Variants in PLEKHA7 observed in about 807,000 individuals in gnomAD.
The protein encoded by PLEKHA7 is pleckstrin homology domain-containing family A member 7.
In PLEKHA7, 104 loss-of-function variants were observed where a neutral mutation model predicts 170.0. The observed-to-expected ratio is 0.61, with a 90% confidence interval of 0.52 to 0.72. The LOEUF is 0.72. Ranked by LOEUF, PLEKHA7 falls within the 30% of genes least tolerant of loss-of-function variation. The pLI is 0.00. For synonymous variants in PLEKHA7, 648 were observed against 660.8 expected (o/e 0.98, Z 0.30); for missense variants, 1,615 against 1,671.7 (o/e 0.97, Z 0.59).
At chr11:16,783,605 C>T (rs1849201061) in intron 25 of PLEKHA7, 95 bp downstream of exon 25, 2 of 1,286,928 alleles carry the variant, frequency 1.6e-6, no homozygotes, top group Non-Finnish European at 2.0e-6. Flanking sequence ...CCTGGCAAAA[C>T]ACGCACCCCA....
chr11:16,923,912 C>T (rs956443904), intron 3 of PLEKHA7, among the ~76,000 whole-genome samples: 5 of 152,316 alleles, frequency 3.3e-5, no homozygotes, highest in African/African-American at 9.6e-5. Flanking sequence ...TAAGCCAGCA[C>T]ATAGCTTCCC....
intron 3 of PLEKHA7, among the ~76,000 whole-genome samples, chr11:16,924,173 CCT>C (rs940258891): frequency 5.9e-5 from 9 of 152,162 alleles, no homozygotes; most frequent in African/African-American, 2.2e-4. Context: ...TTAGACCCAC[CCT>C]CTCTCTGATA....
intron 4 of PLEKHA7, among the ~76,000 whole-genome samples, chr11:16,865,962 C>T (rs1225465486): frequency 6.6e-6 from 1 of 151,682 alleles, no homozygotes; most frequent in South Asian, 2.1e-4. Context: ...CTCAGCCTCC[C>T]GAGTAGCTGG....
intron 9 of PLEKHA7, among the ~76,000 whole-genome samples, chr11:16,840,386 C>T (rs1851856721): frequency 6.6e-6 from 1 of 152,006 alleles, no homozygotes; most frequent in South Asian, 2.1e-4. Flanking sequence ...CATGGTGAAA[C>T]CCCGTCTCTA....
At chr11:16,859,712 T>C (rs1233446481) in intron 4 of PLEKHA7, among the ~76,000 whole-genome samples, 1 of 152,114 alleles carries the variant, frequency 6.6e-6, no homozygotes, top group Non-Finnish European at 1.5e-5. Context: ...TGCTGATGAG[T>C]CTCACCTAAG....
intron 17 of PLEKHA7, among the ~76,000 whole-genome samples, chr11:16,800,619 A>G (rs1433201938): frequency 6.6e-6 from 1 of 152,242 alleles, no homozygotes; most frequent in Non-Finnish European, 1.5e-5. Context: ...TGTCTAAGTG[A>G]TGAGCTAGCA....
intron 3 of PLEKHA7, among the ~76,000 whole-genome samples, chr11:16,934,018 C>A (rs1176816159): frequency 6.6e-6 from 1 of 152,210 alleles, no homozygotes; most frequent in Non-Finnish European, 1.5e-5. Context: ...TGACCTCCAG[C>A]AAACCAGGCC....
chr11:16,899,657 A>C (rs910288500), intron 3 of PLEKHA7, among the ~76,000 whole-genome samples: 1 of 152,198 alleles, frequency 6.6e-6, no homozygotes, highest in Admixed American at 6.5e-5. Context: ...AGACTGGGAA[A>C]GAGGTAATGA....
chr11:16,954,722 G>A (rs1176521875), intron 3 of PLEKHA7, among the ~76,000 whole-genome samples: 3 of 148,752 alleles, frequency 2.0e-5, no homozygotes, highest in African/African-American at 2.5e-5. Flanking sequence ...ACAGAGTCTC[G>A]CTCTGTCACC....
Position 16,958,348 on chromosome 11 carries a change from C to T in PLEKHA7, c.221+55641G>A, listed in dbSNP as rs13377224. Among the ~76,000 whole-genome samples, 1,011 of 151,740 alleles carry T rather than the reference C, an allele frequency of 6.7e-3. 6 individuals are homozygous for T. The highest frequency in any genetic ancestry group is 0.011 in the Non-Finnish European group (746 of 67,992). On this transcript the variant is annotated intron_variant, in intron 3 of 26. Coordinates refer to ENST00000531066, the MANE Select transcript of PLEKHA7 (RefSeq NM_001329630.2). Reference sequence around the variant, plus strand: ...ATAAAAATTAAAATAAAAAAGGTCACGCTTCAGAGGAAAACTTTGTATCAT... The same window carrying T: ...ATAAAAATTAAAATAAAAAAGGTCATGCTTCAGAGGAAAACTTTGTATCAT...
chr11:16,835,656 G>A (rs1851456414), intron 9 of PLEKHA7, among the ~76,000 whole-genome samples: 1 of 152,198 alleles, frequency 6.6e-6, no homozygotes, highest in Admixed American at 6.5e-5. Context: ...CTTGTAGCAA[G>A]CCTATGAACT....
At chr11:16,941,468 C>G (rs544503962) in intron 3 of PLEKHA7, among the ~76,000 whole-genome samples, 37 of 152,314 alleles carry the variant, frequency 2.4e-4, no homozygotes, top group African/African-American at 8.9e-4. Context: ...GGTTCAATTT[C>G]CCCTTCTGCC....
At chr11:17,004,329 G>C (rs1319299284) in intron 3 of PLEKHA7, among the ~76,000 whole-genome samples, 4 of 151,956 alleles carry the variant, frequency 2.6e-5, no homozygotes, top group Non-Finnish European at 4.4e-5. Flanking sequence ...ATATGTCCAG[G>C]CCTCTCCCTT....
chr11:16,859,818 T>C (rs996889093), intron 4 of PLEKHA7, among the ~76,000 whole-genome samples: 1 of 152,252 alleles, frequency 6.6e-6, no homozygotes, highest in African/African-American at 2.4e-5. Context: ...CCCAGCAGCA[T>C]GCCCTCAGGC....
rs1848150448 is a variant in PLEKHA7, at chr11:16,795,374, G to A, written c.2410-356C>T. The A allele has an allele frequency of 1.9e-5, 5 of 261,002 alleles. No individual in the cohort carries two copies. The South Asian group carries it at 2.9e-4, about 15-fold the overall frequency. The allele number at this position is 261,002 out of a possible 1,614,324, so 16.2% of individuals were successfully genotyped here. A position where few individuals can be genotyped will look rare whatever the true frequency, so the allele number is the denominator to read the frequency against. The stretch of plus-strand genomic sequence containing the variant: ...ACAACAGTGGTTGCTGGGGGCGGGG[G>A]AGAGGGAAGAATGCAGAACTATTTA... On this transcript the variant is annotated intron_variant, in intron 17 of 26. Coordinates refer to ENST00000531066, the MANE Select transcript of PLEKHA7 (RefSeq NM_001329630.2).
intron 13 of PLEKHA7, among the ~76,000 whole-genome samples, chr11:16,803,963 T>C (rs576279606): frequency 9.3e-4 from 142 of 152,308 alleles, no homozygotes; most frequent in Non-Finnish European, 1.5e-3. Context: ...TAAAGCAATA[T>C]ACAAAAGTCA....
chr11:16,863,121 C>A (rs1854102780), intron 4 of PLEKHA7, among the ~76,000 whole-genome samples: 1 of 152,140 alleles, frequency 6.6e-6, no homozygotes, highest in East Asian at 1.9e-4. Context: ...CATCTCCTAG[C>A]AGCAAGTGAT....
At chr11:16,839,173 A>G (rs1851764314) in intron 9 of PLEKHA7, among the ~76,000 whole-genome samples, 3 of 152,178 alleles carry the variant, frequency 2.0e-5, no homozygotes, top group African/African-American at 4.8e-5. Flanking sequence ...ATGAGTAAAA[A>G]TTAAAGGTGA....
intron 13 of PLEKHA7, among the ~76,000 whole-genome samples, chr11:16,811,643 A>G (rs913897460): frequency 3.3e-5 from 5 of 152,224 alleles, no homozygotes; most frequent in African/African-American, 9.6e-5. Flanking sequence ...CCATACTTAG[A>G]GCAGTCACTC....
Sources: allele counts gnomAD v4.1 joint callset (sites outside exome capture counted in the v4.1 genomes callset), GRCh38; gene constraint gnomAD v4.1.1; transcripts MANE v1.5; gene names NCBI Gene and HGNC (gene_info 2026-07-23, HGNC 2026-07-21).